DYNC1I1: variants seen among roughly 807,000 people sequenced by gnomAD.
The protein encoded by DYNC1I1 is cytoplasmic dynein 1 intermediate chain 1.
DYNC1I1 carries 43 observed loss-of-function variants against 86.6 expected under a neutral mutation model. That is an observed-to-expected ratio of 0.50 (90% CI 0.39 to 0.64). The LOEUF (loss-of-function observed/expected upper bound fraction) is 0.64, where lower values mean the gene tolerates loss of function less well. Ranked by LOEUF, DYNC1I1 falls within the 30% of genes least tolerant of loss-of-function variation. The pLI is 0.00. For missense variants in DYNC1I1, 604 were observed against 788.8 expected (o/e 0.77, Z 2.81); for synonymous variants, 262 against 283.7 (o/e 0.92, Z 0.77).
intron 14 of DYNC1I1, among the ~76,000 whole-genome samples, chr7:96,073,216 C>A (rs1790220100): frequency 6.6e-6 from 1 of 152,106 alleles, no homozygotes; most frequent in Non-Finnish European, 1.5e-5. Context: ...ATTTGCACAG[C>A]AACTTTTATA....
At chr7:95,873,273 C>T (rs76588476) in intron 6 of DYNC1I1, among the ~76,000 whole-genome samples, 8,515 of 152,228 alleles carry the variant, frequency 0.056, 570 homozygotes, top group African/African-American at 0.16. Context: ...TTCTGAGACT[C>T]ACCTCTTAGG....
intron 14 of DYNC1I1, among the ~76,000 whole-genome samples, chr7:96,045,637 G>C (rs1789187665): frequency 6.6e-6 from 1 of 152,174 alleles, no homozygotes; most frequent in African/African-American, 2.4e-5. Flanking sequence ...ATAATGAACA[G>C]CTTCTACATG....
intron 6 of DYNC1I1, among the ~76,000 whole-genome samples, chr7:95,958,156 G>T (rs1002583798): frequency 6.6e-6 from 1 of 152,126 alleles, no homozygotes; most frequent in African/African-American, 2.4e-5. Context: ...ATTGAACATT[G>T]CCAAATGTCT....
chr7:95,793,102 G>T (rs376639630), intron 1 of DYNC1I1, among the ~76,000 whole-genome samples: 1 of 152,088 alleles, frequency 6.6e-6, no homozygotes, highest in Non-Finnish European at 1.5e-5. Flanking sequence ...CTGATATTGC[G>T]TGGAGGACGT....
In DYNC1I1 at chr7:95,810,585, TTTA is replaced by T. The variant is rs1358758345; in HGVS notation, c.223+80_223+82del. ...TACCATGTCCAGTGTTTACTATTCT[TTTA>T]AGTCTTTAGTTTTTTTTAATTTTTA... On this transcript the variant is annotated intron_variant, in intron 3 of 16. Coordinates refer to ENST00000447467, the MANE Select transcript of DYNC1I1 (RefSeq NM_001135556.2). 7.0e-6 allele frequency: 8 copies of T among 1,139,716 alleles called. No individual in the cohort carries two copies. The African/African-American group carries it at 9.6e-5, about 14-fold the overall frequency. The allele number at this position is 1,139,716 out of a possible 1,614,324, so 70.6% of individuals were successfully genotyped here.
chr7:95,884,479 T>C (rs1301541862), intron 6 of DYNC1I1, among the ~76,000 whole-genome samples: 1 of 151,812 alleles, frequency 6.6e-6, no homozygotes, highest in South Asian at 2.1e-4. Context: ...CATAGCTCAC[T>C]GTAGCCTTCC....
intron 6 of DYNC1I1, among the ~76,000 whole-genome samples, chr7:95,965,043 CACAAA>C (rs1792973660): frequency 6.6e-6 from 1 of 152,136 alleles, no homozygotes; most frequent in Admixed American, 6.6e-5. Context: ...TGCTGGGGAA[CACAAA>C]ACTCTCCAAG....
chr7:95,926,327 T>G (rs958301438), intron 6 of DYNC1I1, among the ~76,000 whole-genome samples: 1 of 152,212 alleles, frequency 6.6e-6, no homozygotes, highest in Non-Finnish European at 1.5e-5. Context: ...GCATTTATAC[T>G]GTGAAGTACT....
Position 95,976,009 on chromosome 7 carries a change from A to G in DYNC1I1, c.491-1503A>G, listed in dbSNP as rs550173119. ...ATAGCATTAATATGTTCACATACGG[A>G]TAAGGACATAGATATGCTATTTATA... is the stretch of plus-strand genomic sequence containing the variant. On this transcript the variant is annotated intron_variant, in intron 6 of 16. Coordinates refer to ENST00000447467, the MANE Select transcript of DYNC1I1 (RefSeq NM_001135556.2). 2.6e-5 allele frequency among the ~76,000 whole-genome samples: 4 copies of G among 152,310 alleles called. No homozygotes were observed. The East Asian group carries it at 7.7e-4, about 29-fold the overall frequency.
chr7:96,065,656 G>A (rs960141467), intron 14 of DYNC1I1, among the ~76,000 whole-genome samples: 7 of 152,112 alleles, frequency 4.6e-5, no homozygotes, highest in African/African-American at 1.7e-4. Context: ...CCAAAGCGCT[G>A]AGATTACAGG....
At chr7:95,856,902 C>G (rs188374401) in intron 5 of DYNC1I1, among the ~76,000 whole-genome samples, 3 of 152,020 alleles carry the variant, frequency 2.0e-5, no homozygotes, top group African/African-American at 7.2e-5. Context: ...TCGCTTGAAT[C>G]CGGGGGGCAG....
At chr7:95,927,759 AG>A (rs1201053744) in intron 6 of DYNC1I1, among the ~76,000 whole-genome samples, 2 of 152,158 alleles carry the variant, frequency 1.3e-5, no homozygotes, top group East Asian at 3.9e-4. Flanking sequence ...CCCAGTAAAA[AG>A]TCTTTTAAAA....
intron 6 of DYNC1I1, among the ~76,000 whole-genome samples, chr7:95,944,516 A>T (rs1792337360): frequency 6.6e-6 from 1 of 152,216 alleles, no homozygotes; most frequent in Admixed American, 6.5e-5. Flanking sequence ...CAGCCATCCC[A>T]TTACTGGGTA....
intron 9 of DYNC1I1, among the ~76,000 whole-genome samples, chr7:95,995,610 C>G (rs114349963): frequency 1.3e-5 from 2 of 152,020 alleles, no homozygotes; most frequent in Non-Finnish European, 2.9e-5. Flanking sequence ...CCTGCAGGAA[C>G]TGAAAAGAGA....
At chr7:95,981,710 T>G (rs932700298) in intron 7 of DYNC1I1, among the ~76,000 whole-genome samples, 1 of 152,134 alleles carries the variant, frequency 6.6e-6, no homozygotes, top group African/African-American at 2.4e-5. Flanking sequence ...CCATGTTTTG[T>G]GTTGTGAAAA....
chr7:95,920,268 G>A (rs906545345), intron 6 of DYNC1I1, among the ~76,000 whole-genome samples: 7 of 152,012 alleles, frequency 4.6e-5, no homozygotes, highest in East Asian at 3.9e-4. Context: ...CACAAACCCC[G>A]TCTAATCATG....
chr7:95,789,603 A>G (rs942247658), intron 1 of DYNC1I1, among the ~76,000 whole-genome samples: 6 of 152,170 alleles, frequency 3.9e-5, no homozygotes, highest in African/African-American at 1.2e-4. Flanking sequence ...TACAGGTTCC[A>G]TGTATACCCA....
chr7:96,071,003 C>T (rs57523945), intron 14 of DYNC1I1, among the ~76,000 whole-genome samples: 12,152 of 152,186 alleles, frequency 0.08, 861 homozygotes, highest in African/African-American at 0.2. Context: ...TTGTAAAACA[C>T]TGATGAATGC....
intron 14 of DYNC1I1, among the ~76,000 whole-genome samples, chr7:96,048,348 C>G (rs1319639391): frequency 2.0e-5 from 3 of 152,194 alleles, no homozygotes; most frequent in African/African-American, 7.2e-5. Flanking sequence ...CCCACCATTA[C>G]TAGAGCAGGT....
Sources: allele counts gnomAD v4.1 joint callset (sites outside exome capture counted in the v4.1 genomes callset), GRCh38; gene constraint gnomAD v4.1.1; transcripts MANE v1.5; gene names NCBI Gene and HGNC (gene_info 2026-07-23, HGNC 2026-07-21).